Variants in SEC13 observed in about 807,000 individuals in gnomAD.
The protein encoded by SEC13 is SEC13 homolog, nuclear pore and COPII component.
Under a neutral mutation model 49.2 loss-of-function variants are expected in SEC13, and 25 were observed. The observed-to-expected ratio is 0.51, with a 90% CI of 0.37 to 0.71. SEC13 has a LOEUF of 0.71. SEC13 is among the 30% of genes least tolerant of loss of function. SEC13 has a pLI of 0.00. For synonymous variants in SEC13, 148 were observed against 163.9 expected (o/e 0.90, Z 0.74); for missense variants, 383 against 417.6 (o/e 0.92, Z 0.72).
chr3:10,306,885 CCT>C (rs1398263254), intron 5 of SEC13, among the ~76,000 whole-genome samples: 6 of 152,172 alleles, frequency 3.9e-5, no homozygotes, highest in African/African-American at 1.4e-4. Flanking sequence ...AGTTCTCCAT[CCT>C]CTTTCCTTTG....
chr3:10,316,521 GCAGGACATAGTACCTTT>G (rs1367231483), intron 2 of SEC13, among the ~76,000 whole-genome samples: 3 of 152,114 alleles, frequency 2.0e-5, no homozygotes, highest in African/African-American at 7.2e-5. Flanking sequence ...GTGGAAGGAG[GCAGGACATAGTACCTTT>G]CAGATCTAAA....
Position 10,305,626 on chromosome 3 carries a change from C to A in SEC13, c.517G>T (p.Gly173Trp). Residue 173 changes from glycine (G) to tryptophan (W), a missense_variant, in exon 6 of 9, where the codon GGG becomes TGG. Coordinates refer to ENST00000350697, the MANE Select transcript of SEC13 (RefSeq NM_183352.3). ...VPGSLIDHPS[G>W]QKPNYIKRFA... Reference sequence around the variant, plus strand: ...CTCTTGATGTAATTGGGTTTCTGCCCCGATGGGTGGTCTATGAGGCTTCCA... The same window carrying A: ...CTCTTGATGTAATTGGGTTTCTGCCACGATGGGTGGTCTATGAGGCTTCCA... The A allele has an allele frequency of 6.2e-7, 1 of 1,614,144 alleles. No homozygotes were observed. Among genetic ancestry groups the A allele is most frequent in the Non-Finnish European group, 8.5e-7 (1 of 1,180,010 alleles).
In SEC13 at chr3:10,312,684, C is replaced by T. The variant is rs373686600; in HGVS notation, c.211G>A (p.Gly71Ser). ...WQVAWAHPMY[G>S]NILASCSYDR... Reference sequence around the variant, plus strand: ...TAGGAGCACGATGCCAGGATGTTGCCGTACATGGGGTGAGCCCAGGCCACT... The same window carrying T: ...TAGGAGCACGATGCCAGGATGTTGCTGTACATGGGGTGAGCCCAGGCCACT... Residue 71 changes from glycine (G) to serine (S), a missense_variant, in exon 4 of 9, where the codon GGC becomes AGC. By Grantham distance (56) the Gly-to-Ser change is moderately conservative. Transcript: ENST00000350697. 50 of 1,614,060 alleles carry T rather than the reference C, an allele frequency of 3.1e-5. No individual in the cohort carries two copies. Among genetic ancestry groups the T allele is most frequent in the Non-Finnish European group, 2.8e-5 (33 of 1,180,046 alleles).
intron 8 of SEC13, 76 bp downstream of exon 8, chr3:10,303,950 G>A (rs1256174483): frequency 2.6e-6 from 4 of 1,536,788 alleles, no homozygotes; most frequent in Non-Finnish European, 3.6e-6. Context: ...AGATGGGAAT[G>A]TCAAGTGCCC....
intron 8 of SEC13, among the ~76,000 whole-genome samples, 189 bp from the exon 9 acceptor site, chr3:10,301,563 T>TAACA (rs1700517144): frequency 2.0e-5 from 3 of 151,388 alleles, no homozygotes; most frequent in South Asian, 2.1e-4. Flanking sequence ...AAAAAAGGAG[T>TAACA]AACAATAACA....
intron 5 of SEC13, among the ~76,000 whole-genome samples, chr3:10,309,162 T>G (rs1189177400): frequency 1.3e-5 from 2 of 151,672 alleles, no homozygotes; most frequent in East Asian, 1.9e-4. Context: ...GGTCTTAAAC[T>G]CCTGACTTCA....
chr3:10,304,230 T>C (rs533976638), intron 7 of SEC13, 58 bp from the exon 8 acceptor site: 38 of 1,585,836 alleles, frequency 2.4e-5, no homozygotes, highest in East Asian at 6.7e-5. Flanking sequence ...GTTTGTGATG[T>C]GATGTCCTCC....
chr3:10,312,423 T>C (rs578183996), intron 4 of SEC13, among the ~76,000 whole-genome samples, 156 bp downstream of exon 4: 1 of 152,336 alleles, frequency 6.6e-6, no homozygotes, highest in East Asian at 1.9e-4. Flanking sequence ...TCTTAGGGCC[T>C]TACTCAGCTG....
At chr3:10,308,783 TG>T (rs1701048607) in intron 5 of SEC13, among the ~76,000 whole-genome samples, 1 of 139,732 alleles carries the variant, frequency 7.2e-6, no homozygotes, top group African/African-American at 2.6e-5. Context: ...TTGGTGATGC[TG>T]AGTTGAATTT....
intron 6 of SEC13, 32 bp downstream of exon 6, chr3:10,305,527 C>G (rs757860176): frequency 1.2e-6 from 2 of 1,610,388 alleles, no homozygotes; most frequent in South Asian, 2.2e-5. Context: ...AGAAGTGTCC[C>G]CTCAAAGAGA....
At chr3:10,310,061 C>T (rs1409680913) in intron 5 of SEC13, among the ~76,000 whole-genome samples, 2 of 152,208 alleles carry the variant, frequency 1.3e-5, no homozygotes, top group East Asian at 3.8e-4. Context: ...AGATTTCTTC[C>T]CGCCCCTTCA....
At chr3:10,306,024 A>C in intron 5 of SEC13, 1 of 183,200 alleles carries the variant, frequency 5.5e-6, no homozygotes, top group Non-Finnish European at 1.2e-5. Context: ...AAGAAACAAG[A>C]ATTCTGCCAC....
intron 1 of SEC13, chr3:10,320,843 C>A (rs1260065002): frequency 3.0e-6 from 4 of 1,319,660 alleles, no homozygotes; most frequent in Admixed American, 3.9e-5. Context: ...GCGCGCCCCG[C>A]AAAGTCAGGG....
At position 10,311,974 on chromosome 3, in the gene SEC13, G is replaced by A. The variant is rs149018749; in HGVS notation, c.441C>T (p.Asn147=). Residue 147 remains asparagine, a synonymous_variant, in exon 5 of 9, where the codon AAC becomes AAT. Coordinates refer to ENST00000350697, the MANE Select transcript of SEC13 (RefSeq NM_183352.3). The part of the protein sequence containing the change: ...EGQWEVKKIN[N]AHTIGCNAVS... ...CAGGGGATGGACTCACGGTGTGAGC[G>A]TTGTTGATCTTCTTTACTTCCCATT... The A allele has an allele frequency of 2.2e-5, 35 of 1,614,038 alleles. No homozygotes were observed. The highest frequency in any genetic ancestry group is 1.2e-4 in the South Asian group (11 of 91,094).
chr3:10,311,464 G>GAGGT (rs1701250171), intron 5 of SEC13: 1 of 180,534 alleles, frequency 5.5e-6, no homozygotes, highest in Non-Finnish European at 1.1e-5. Flanking sequence ...GTGGTGGTAG[G>GAGGT]AGGTAGGACA....
chr3:10,301,197 T>G lies in SEC13; in HGVS notation c.*64A>C. On this transcript the variant is annotated 3_prime_UTR_variant, in exon 9 of 9. Transcript: ENST00000350697. ...TGGGGGCTCTTCCCAGTTGTCTGGT[T>G]AGTTGGCCCAGGAAGGGGCAGTCCT... 2 of 1,613,952 alleles carry G rather than the reference T, an allele frequency of 1.2e-6. No individual in the cohort carries two copies. Among genetic ancestry groups the G allele is most frequent in the Non-Finnish European group, 1.7e-6 (2 of 1,179,882 alleles).
rs375166000 is a variant in SEC13 at position 10,321,109 on chromosome 3, G to A, written c.-57C>T. 7.0e-5 allele frequency: 113 copies of A among 1,610,830 alleles called. 1 individual carries two copies. The South Asian group carries it at 1.1e-3, about 16-fold the overall frequency. On this transcript the variant is annotated 5_prime_UTR_variant, in exon 1 of 9. Transcript: ENST00000350697. This position sits in a 1 kb window ranked among gnomAD's most constrained non-coding sequence, Gnocchi z 4.1. ...CGTGGCAGCTCCCGGCGGCGCCTCG[G>A]AACAGCTCACTTCCGGCGCCGGGCC...
intron 3 of SEC13, chr3:10,314,962 C>T (rs908478039): frequency 5.5e-5 from 11 of 201,706 alleles, no homozygotes; most frequent in Non-Finnish European, 1.1e-4. Flanking sequence ...GTCCTGGGCC[C>T]TGTGTCAGGG....
chr3:10,320,905 G>A, intron 1 of SEC13, 145 bp downstream of exon 1: 2 of 1,464,294 alleles, frequency 1.4e-6, no homozygotes, highest in South Asian at 1.4e-5. Context: ...CGCAAGGACG[G>A]GGCCAGAGCC....
Sources: allele counts gnomAD v4.1 joint callset (sites outside exome capture counted in the v4.1 genomes callset), GRCh38; gene constraint gnomAD v4.1.1; non-coding constraint Gnocchi (gnomAD v3.1); transcripts MANE v1.5; gene names NCBI Gene and HGNC (gene_info 2026-07-23, HGNC 2026-07-21).